The following RUBCN variants were observed in gnomAD, a reference collection of about 807,000 sequenced individuals.
The protein encoded by RUBCN is rubicon autophagy regulator.
A neutral mutation model predicts 113.2 loss-of-function variants in RUBCN; 74 were observed. The ratio of observed to expected loss-of-function variants is 0.65; its 90% CI spans 0.54 to 0.79. RUBCN has a LOEUF of 0.79. RUBCN is among the 30% of genes least tolerant of loss of function. The pLI is 0.00. For missense variants in RUBCN, 1,109 were observed against 1,251.7 expected (o/e 0.89, Z 1.72); for synonymous variants, 480 against 490.0 (o/e 0.98, Z 0.27).
chr3:197,674,607 GA>G lies in RUBCN; in HGVS notation c.*410del. ...TTTCAGCAGCAGGAGAGGTGGTTGA[GA>G]AAGGCCTGGCTCAGAAGCTCCAGAA... On this transcript the variant is annotated 3_prime_UTR_variant, in exon 20 of 20. Coordinates refer to ENST00000296343, the MANE Select transcript of RUBCN (RefSeq NM_014687.4). 1 of 464,164 alleles carries G rather than the reference GA, an allele frequency of 2.2e-6. No individual in the cohort carries two copies. The highest frequency in any genetic ancestry group is 2.1e-5 in the African/African-American group (1 of 47,766). 28.8% of individuals were successfully genotyped at this position (464,164 alleles called of 1,614,324 possible).
chr3:197,730,337 T>C (rs1727270687), intron 1 of RUBCN, among the ~76,000 whole-genome samples: 1 of 152,044 alleles, frequency 6.6e-6, no homozygotes, highest in Non-Finnish European at 1.5e-5. Context: ...GAAACATAAC[T>C]CAAGTCAGTC....
chr3:197,732,458 C>T (rs141433216), intron 1 of RUBCN, among the ~76,000 whole-genome samples: 12,649 of 152,222 alleles, frequency 0.083, 599 homozygotes, highest in Middle Eastern at 0.12. Flanking sequence ...GGACTACAGG[C>T]GCCTGCCACC....
In RUBCN at chr3:197,672,268, C is replaced by T. The variant is rs1354393447; in HGVS notation, c.*2750G>A. 3.3e-5 allele frequency: 5 copies of T among 152,130 alleles called. No homozygotes were observed. The East Asian group carries it at 9.6e-4, about 29-fold the overall frequency. 9.4% of individuals were successfully genotyped at this position (152,130 alleles called of 1,614,324 possible). A position where few individuals can be genotyped will look rare whatever the true frequency, so the allele number is the denominator to read the frequency against. ...CTGGTAAGCAAACTATGTTTTTTTT[C>T]TTTCCCTTTACTTACAGAAAGAACA... On this transcript the variant is annotated 3_prime_UTR_variant, in exon 20 of 20. Coordinates refer to ENST00000296343, the MANE Select transcript of RUBCN (RefSeq NM_014687.4).
chr3:197,731,569 G>A (rs1358014113), intron 1 of RUBCN, among the ~76,000 whole-genome samples: 7 of 150,612 alleles, frequency 4.6e-5, no homozygotes, highest in East Asian at 2.0e-4. Context: ...CAGTAGGCGC[G>A]ACCGGGCAGA....
chr3:197,734,576 A>C (rs1580399863), intron 1 of RUBCN, among the ~76,000 whole-genome samples: 2 of 152,302 alleles, frequency 1.3e-5, no homozygotes, highest in South Asian at 4.1e-4. Context: ...TACAATAGTT[A>C]TAGGGATTAA....
intron 5 of RUBCN, among the ~76,000 whole-genome samples, chr3:197,703,290 C>T (rs747561054): frequency 2.9e-4 from 43 of 148,074 alleles, no homozygotes; most frequent in Non-Finnish European, 4.0e-4. Flanking sequence ...CCCAGCTACT[C>T]GGGAGGCTGA....
In RUBCN at chr3:197,674,327, T is replaced by C. The variant is rs571128172; in HGVS notation, c.*691A>G. 5.1e-4 allele frequency: 106 copies of C among 206,320 alleles called. No individual in the cohort carries two copies. The highest frequency in any genetic ancestry group is 2.2e-3 in the African/African-American group (95 of 42,558). The allele number at this position is 206,320 out of a possible 1,614,324, so 12.8% of individuals were successfully genotyped here. On this transcript the variant is annotated 3_prime_UTR_variant, in exon 20 of 20. Transcript: ENST00000296343. ...GTTCTTTGCTTCAAGATCACCAAGG[T>C]AGATGAAGAAAGTCAGCTTGTGGCA... is the stretch of plus-strand genomic sequence containing the variant.
intron 1 of RUBCN, among the ~76,000 whole-genome samples, chr3:197,744,697 T>C (rs955120730): frequency 4.6e-5 from 7 of 152,162 alleles, no homozygotes; most frequent in South Asian, 2.1e-4. Flanking sequence ...AAAACAGTTA[T>C]GCTATGTGAA....
At chr3:197,698,550 C>T (rs1228514034) in intron 7 of RUBCN, among the ~76,000 whole-genome samples, 3 of 150,570 alleles carry the variant, frequency 2.0e-5, no homozygotes, top group African/African-American at 4.9e-5. Flanking sequence ...AAAAAGGAAA[C>T]GGAACTGCAG....
intron 1 of RUBCN, among the ~76,000 whole-genome samples, chr3:197,727,407 G>A (rs1026207870): frequency 2.0e-5 from 3 of 152,180 alleles, no homozygotes; most frequent in Admixed American, 2.0e-4. Context: ...TTTTCCCCCT[G>A]TGAACTTCCA....
chr3:197,694,030 G>A, intron 10 of RUBCN: 1 of 557,192 alleles, frequency 1.8e-6, no homozygotes, highest in Non-Finnish European at 3.2e-6. Flanking sequence ...AGCTATTTGG[G>A]AAGGGAGCTA....
In RUBCN at chr3:197,717,967, T is replaced by A. The variant is rs1395498500; in HGVS notation, c.219+10A>T. ...TCAGCCAATCTGGCAAAAAAAGGAGTTCTGCATACCTGGTCACGGATAAGC... is the reference window on the plus strand; with the variant it reads ...TCAGCCAATCTGGCAAAAAAAGGAGATCTGCATACCTGGTCACGGATAAGC... On this transcript the variant is annotated intron_variant, in intron 2 of 19. Transcript: ENST00000296343. The A allele has an allele frequency of 6.2e-7, 1 of 1,613,266 alleles. No homozygotes were observed. The highest frequency in any genetic ancestry group is 1.7e-5 in the Admixed American group (1 of 60,014).
chr3:197,743,626 G>T (rs1728616405), intron 1 of RUBCN, among the ~76,000 whole-genome samples: 1 of 152,212 alleles, frequency 6.6e-6, no homozygotes, highest in African/African-American at 2.4e-5. Flanking sequence ...GAACAGAAAA[G>T]AGAAGAAAAC....
chr3:197,674,402 C>A lies in RUBCN; in HGVS notation c.*616G>T. ...ACAGGAACTCCCGGCAACATAGGGA[C>A]ATTCACAGCTGCCTCTGAGGTCTCT... On this transcript the variant is annotated 3_prime_UTR_variant, in exon 20 of 20. Coordinates refer to ENST00000296343, the MANE Select transcript of RUBCN (RefSeq NM_014687.4). 3.6e-6 allele frequency: 1 copy of A among 278,320 alleles called. No individual in the cohort carries two copies. The highest frequency in any genetic ancestry group is 1.0e-4 in the East Asian group (1 of 9,656). The allele number at this position is 278,320 out of a possible 1,614,324, so 17.2% of individuals were successfully genotyped here.
chr3:197,700,864 G>A lies in RUBCN; in HGVS notation c.1010C>T (p.Ala337Val). 3 of 1,614,186 alleles carry A rather than the reference G, an allele frequency of 1.9e-6. No homozygotes were observed. Among genetic ancestry groups the A allele is most frequent in the Non-Finnish European group, 2.5e-6 (3 of 1,180,036 alleles). ...IGNLDPRGRT[A>V]SCQSHSSNAE... is the part of the protein sequence containing the mutation. Reference sequence around the variant, plus strand: ...ATTGCTGCTGTGACTCTGACAGCTGGCAGTCCGGCCTCGGGGGTCCAAGTT... The same window carrying A: ...ATTGCTGCTGTGACTCTGACAGCTGACAGTCCGGCCTCGGGGGTCCAAGTT... The change falls in exon 7 of 20, where the codon GCC becomes GTC. Residue 337 changes from alanine (A) to valine (V), a missense_variant. Ala to Val is a moderately conservative substitution (Grantham distance 64). Coordinates refer to ENST00000296343, the MANE Select transcript of RUBCN (RefSeq NM_014687.4).
chr3:197,691,504 C>T (rs559101251), intron 11 of RUBCN, among the ~76,000 whole-genome samples: 1 of 152,244 alleles, frequency 6.6e-6, no homozygotes, highest in East Asian at 1.9e-4. Flanking sequence ...ACAGCCCAAT[C>T]CGTCACAGCA....
intron 1 of RUBCN, among the ~76,000 whole-genome samples, chr3:197,728,265 G>A (rs530885566): frequency 1.5e-3 from 230 of 152,306 alleles, no homozygotes; most frequent in Non-Finnish European, 2.9e-3. Flanking sequence ...GAGAGGAAAA[G>A]CTTCAGGCTT....
intron 6 of RUBCN, among the ~76,000 whole-genome samples, chr3:197,701,412 C>A (rs1723653607): frequency 6.6e-6 from 1 of 152,250 alleles, no homozygotes; most frequent in Non-Finnish European, 1.5e-5. Flanking sequence ...ACAAACTGAA[C>A]ACAACAGAGC....
intron 7 of RUBCN, among the ~76,000 whole-genome samples, chr3:197,697,668 G>A (rs536606159): frequency 9.2e-5 from 14 of 152,320 alleles, no homozygotes; most frequent in African/African-American, 3.4e-4. Context: ...GGGACAGGAA[G>A]AGCGAGAGCT....
Sources: allele counts gnomAD v4.1 joint callset (sites outside exome capture counted in the v4.1 genomes callset), GRCh38; gene constraint gnomAD v4.1.1; transcripts MANE v1.5; gene names NCBI Gene and HGNC (gene_info 2026-07-23, HGNC 2026-07-21).